Variants in HSPA9 observed in about 807,000 individuals in gnomAD.
HSPA9 encodes stress-70 protein, mitochondrial.
Under a neutral mutation model 81.5 loss-of-function variants are expected in HSPA9, and 28 were observed. That is an observed-to-expected ratio of 0.34 (90% CI 0.25 to 0.47). HSPA9 has a LOEUF of 0.47. Among genes scored for constraint, HSPA9 ranks in the 20% least tolerant of loss-of-function variants. The probability of loss-of-function intolerance (pLI) is 1.00; values close to 1 mark genes in which losing one functional copy is unlikely to be tolerated. For missense variants in HSPA9, 678 were observed against 838.0 expected (o/e 0.81, Z 2.36); for synonymous variants, 293 against 290.4 (o/e 1.01, Z -0.09).
intron 9 of HSPA9, among the ~76,000 whole-genome samples, chr5:138,564,108 CATTTTTATTTTTT>C (rs1330032107): frequency 2.0e-5 from 3 of 152,028 alleles, no homozygotes; most frequent in African/African-American, 7.2e-5. Context: ...TTTTATTTTT[CATTTTTATTTTTT>C]GAGACAGAGT....
At position 138,558,658 on chromosome 5, in the gene HSPA9, C is replaced by T; in HGVS notation, c.1411-1G>A. On this transcript the variant is annotated splice_acceptor_variant, in intron 11 of 16. Transcript: ENST00000297185. LOFTEE classifies it high-confidence loss of function. The stretch of plus-strand genomic sequence containing the variant: ...GACCATCAGCGGCAGTAGAGAATAC[C>T]TAGGGAAGAAGAAACCCTCCTGGGT... 1.9e-6 allele frequency: 3 copies of T among 1,599,268 alleles called. No individual in the cohort carries two copies. Among genetic ancestry groups the T allele is most frequent in the African/African-American group, 1.3e-5 (1 of 74,692 alleles).
rs746731493 is a variant in HSPA9, at chr5:138,561,019, G to C, written c.1182+561C>G. 6.2e-6 allele frequency: 3 copies of C among 486,888 alleles called. No individual in the cohort carries two copies. The East Asian group carries it at 1.7e-4, about 27-fold the overall frequency. The allele number at this position is 486,888 out of a possible 1,614,324, so 30.2% of individuals were successfully genotyped here. On this transcript the variant is annotated intron_variant, in intron 10 of 16. Transcript: ENST00000297185. ...AAGATAATCCTATTTAGGCTACCAA[G>C]AAGAACTGCATCTTCAACAGGTTTG...
chr5:138,570,909 G>T, intron 4 of HSPA9, 51 bp downstream of exon 4: 1 of 1,476,494 alleles, frequency 6.8e-7, no homozygotes, highest in Non-Finnish European at 9.5e-7. Context: ...GCTCTTCTGT[G>T]TGGCCCTTGC....
At position 138,554,152 on chromosome 5, in the gene HSPA9, C is replaced by CTGA. The variant is rs1464625394; in HGVS notation, c.*1882_*1884dup. ...CTTGCTATTTATGCTATTAGCTTTA[C>CTGA]TGATAGGTGACTGAAATACTGTGTC... On this transcript the variant is annotated 3_prime_UTR_variant, in exon 17 of 17. Transcript: ENST00000297185. Among the ~76,000 whole-genome samples the CTGA allele has an allele frequency of 6.6e-6, 1 of 152,162 alleles. No individual in the cohort carries two copies. The highest frequency in any genetic ancestry group is 2.4e-5 in the African/African-American group (1 of 41,434).
At chr5:138,558,846 C>T in intron 11 of HSPA9, 189 bp from the exon 12 acceptor site, 1 of 570,978 alleles carries the variant, frequency 1.8e-6, no homozygotes, top group South Asian at 1.9e-5. Context: ...CATACAATAG[C>T]AACTGTTTCA....
rs1750523832 is a variant in HSPA9, at chr5:138,556,522, T to C, written c.1892A>G (p.Glu631Gly). 1.2e-6 allele frequency: 2 copies of C among 1,613,988 alleles called. No individual in the cohort carries two copies. Among genetic ancestry groups the C allele is most frequent in the African/African-American group, 1.3e-5 (1 of 74,914 alleles). The change falls in exon 16 of 17, where the codon GAA (glutamate) becomes GGA (glycine). Residue 631 changes from glutamate (E) to glycine (G), a missense_variant. By Grantham distance (98) the Glu-to-Gly change is moderately conservative (BLOSUM62 -2). Transcript: ENST00000297185. ...AGAGGATGCTGCCTGTCTAATATTTTCTCCTGTTTCGCTGTCTTTTCTAGC... is the reference window on the plus strand; with the variant it reads ...AGAGGATGCTGCCTGTCTAATATTTCCTCCTGTTTCGCTGTCTTTTCTAGC... ...LLARKDSETG[E>G]NIRQAASSLQ...
At chr5:138,566,525 A>G in intron 9 of HSPA9, 101 bp downstream of exon 9, 1 of 890,640 alleles carries the variant, frequency 1.1e-6, no homozygotes, top group Non-Finnish European at 1.9e-6. Context: ...ACAAACAAAA[A>G]AAACTCAACT....
rs935432470 is a variant in HSPA9 at position 138,556,899 on chromosome 5, T to C, written c.1729-33A>G. 1.1e-5 allele frequency: 16 copies of C among 1,490,814 alleles called. No individual in the cohort carries two copies. In the Admixed American group the frequency reaches 2.2e-4, roughly 20 times the overall value. 92.3% of individuals were successfully genotyped at this position (1,490,814 alleles called of 1,614,324 possible). A position where few individuals can be genotyped will look rare whatever the true frequency, so the allele number is the denominator to read the frequency against. ...AAATTAGAAGTTTAAACGAAGACTT[T>C]CCAATCAACCAAAGTTTGCTGAATG... On this transcript the variant is annotated intron_variant, in intron 14 of 16. Transcript: ENST00000297185.
intron 5 of HSPA9, among the ~76,000 whole-genome samples, chr5:138,568,440 G>A (rs1373139199): frequency 6.6e-6 from 1 of 152,170 alleles, no homozygotes; most frequent in Admixed American, 6.5e-5. Context: ...CCGGGAGGCG[G>A]AGGCTTTGGT....
intron 1 of HSPA9, chr5:138,575,008 A>G: frequency 1.7e-6 from 1 of 594,754 alleles, no homozygotes; most frequent in South Asian, 2.0e-5. Flanking sequence ...TAATTTTGAA[A>G]TGACACTCTA....
chr5:138,568,858 G>T, intron 5 of HSPA9, 67 bp downstream of exon 5: 1 of 1,542,338 alleles, frequency 6.5e-7, no homozygotes, highest in Non-Finnish European at 8.9e-7. Flanking sequence ...TGGAGCACAG[G>T]GAGCTAGTGA....
chr5:138,566,989 T>C lies in HSPA9; in HGVS notation c.879+12A>G, dbSNP rs1750781824. 1.2e-6 allele frequency: 2 copies of C among 1,611,884 alleles called. No individual in the cohort carries two copies. The highest frequency in any genetic ancestry group is 1.3e-5 in the African/African-American group (1 of 74,866). Reference sequence around the variant, plus strand: ...TCCCAACGTCTACATATTAACCACATTGGTAACTCACCTCTCTCTTGAACT... The same window carrying C: ...TCCCAACGTCTACATATTAACCACACTGGTAACTCACCTCTCTCTTGAACT... On this transcript the variant is annotated intron_variant, in intron 8 of 16. Transcript: ENST00000297185.
chr5:138,563,631 C>G (rs553533737), intron 9 of HSPA9, among the ~76,000 whole-genome samples: 102 of 152,218 alleles, frequency 6.7e-4, no homozygotes, highest in African/African-American at 2.4e-3. Context: ...TGTTACTATC[C>G]TCAACTCCTC....
chr5:138,559,651 C>T (rs1750610286), intron 11 of HSPA9: 1 of 539,330 alleles, frequency 1.9e-6, no homozygotes, highest in Admixed American at 3.1e-5. Flanking sequence ...TTATAATCAT[C>T]ACTACCAGCT....
intron 3 of HSPA9, 86 bp downstream of exon 3, chr5:138,573,677 C>G (rs1056979716): frequency 3.6e-5 from 14 of 385,074 alleles, no homozygotes; most frequent in Non-Finnish European, 7.1e-5. Flanking sequence ...AAGCGCAAAT[C>G]AGGTTCTCAA....
chr5:138,557,530 A>C (rs372592380), intron 13 of HSPA9, 34 bp from the exon 14 acceptor site: 1 of 1,321,710 alleles, frequency 7.6e-7, no homozygotes, highest in South Asian at 1.2e-5. Context: ...ATTAATTCCC[A>C]GGTAAAGTTA....
At position 138,556,878 on chromosome 5, in the gene HSPA9, T is replaced by C. The variant is rs775238681; in HGVS notation, c.1729-12A>G. 2.5e-6 allele frequency: 4 copies of C among 1,602,364 alleles called. No individual in the cohort carries two copies. Among genetic ancestry groups the C allele is most frequent in the African/African-American group, 1.3e-5 (1 of 74,812 alleles). ...GCTTCAACTCGTTCCTTAGAGAAAT[T>C]AGAAGTTTAAACGAAGACTTTCCAA... On this transcript the variant is annotated splice_polypyrimidine_tract_variant and intron_variant, in intron 14 of 16. Coordinates refer to ENST00000297185, the MANE Select transcript of HSPA9 (RefSeq NM_004134.7).
chr5:138,562,637 G>A (rs1750685940), intron 9 of HSPA9, among the ~76,000 whole-genome samples: 1 of 152,182 alleles, frequency 6.6e-6, no homozygotes, highest in Non-Finnish European at 1.5e-5. Context: ...TAACAAGAAT[G>A]CAGCAGATAA....
chr5:138,556,595 T>TA lies in HSPA9; in HGVS notation c.1822-4dup. On this transcript the variant is annotated splice_polypyrimidine_tract_variant and splice_region_variant and intron_variant, in intron 15 of 16. Coordinates refer to ENST00000297185, the MANE Select transcript of HSPA9 (RefSeq NM_004134.7). Reference sequence around the variant, plus strand: ...ATCTCTTCTTTCAGCTTGTTGCACTTAAAAAAAGAAAACAAAAATCCTTAC... The same window carrying TA: ...ATCTCTTCTTTCAGCTTGTTGCACTTAAAAAAAAGAAAACAAAAATCCTTAC... 1.2e-6 allele frequency: 2 copies of TA among 1,613,678 alleles called. No individual in the cohort carries two copies. Among genetic ancestry groups the TA allele is most frequent in the Non-Finnish European group, 1.7e-6 (2 of 1,179,950 alleles).
Sources: gnomAD v4.1 joint callset for allele counts (sites outside exome capture counted in the v4.1 genomes callset) on GRCh38, gnomAD v4.1.1 for gene constraint, MANE v1.5 for transcripts, NCBI Gene and HGNC (gene_info 2026-07-23, HGNC 2026-07-21) for gene names.